Variants in SNTG2 observed in about 807,000 individuals in gnomAD.
SNTG2 encodes gamma-2-syntrophin.
In SNTG2, 74 loss-of-function variants were observed where a neutral mutation model predicts 70.9. The observed-to-expected ratio is 1.04, with a 90% CI of 0.86 to 1.27. The LOEUF is 1.27. Ranked by LOEUF, SNTG2 falls within the 50% of genes most tolerant of loss-of-function variation. The pLI, the probability that SNTG2 is intolerant of heterozygous loss-of-function variation, is 0.00. For synonymous variants in SNTG2, 278 were observed against 273.8 expected (o/e 1.02, Z -0.15); for missense variants, 717 against 690.7 (o/e 1.04, Z -0.43).
At chr2:1,316,156 T>G in intron 15 of SNTG2, 109 bp from the exon 16 acceptor site, 1 of 593,538 alleles carries the variant, frequency 1.7e-6, no homozygotes. Flanking sequence ...GATTTAAACA[T>G]TAAGTGAATG....
intron 15 of SNTG2, among the ~76,000 whole-genome samples, chr2:1,315,985 G>A (rs533181963): frequency 3.7e-4 from 56 of 152,266 alleles, no homozygotes; most frequent in African/African-American, 1.3e-3. Context: ...AGGTGACGTG[G>A]GACTGAGGAC....
chr2:1,334,925 A>C (rs1659724322), intron 16 of SNTG2, among the ~76,000 whole-genome samples: 1 of 152,244 alleles, frequency 6.6e-6, no homozygotes, highest in Admixed American at 6.5e-5. Context: ...CCCATTCCCC[A>C]AAAACTATTG....
intron 1 of SNTG2, among the ~76,000 whole-genome samples, chr2:1,070,906 G>T (rs1244611414): frequency 6.6e-6 from 1 of 152,354 alleles, no homozygotes; most frequent in South Asian, 2.1e-4. Context: ...TGATGAGGGT[G>T]TGCAGTGCCT....
At chr2:1,150,775 T>C (rs1669429160) in intron 6 of SNTG2, among the ~76,000 whole-genome samples, 1 of 152,208 alleles carries the variant, frequency 6.6e-6, no homozygotes. Flanking sequence ...CAGCCTTTTC[T>C]AGTTGTGGAA....
chr2:1,245,179 C>A (rs74169643), intron 11 of SNTG2, among the ~76,000 whole-genome samples: 41,015 of 146,564 alleles, frequency 0.28, 6,639 homozygotes, highest in African/African-American at 0.43. Context: ...CTAGATGACA[C>A]GTTAGTGGGT....
chr2:1,305,298 CCT>C (rs1680626491), intron 14 of SNTG2, among the ~76,000 whole-genome samples: 1 of 152,148 alleles, frequency 6.6e-6, no homozygotes, highest in African/African-American at 2.4e-5. Context: ...ACATTCTCTC[CCT>C]GAGTTACAGG....
At chr2:1,121,154 A>G (rs999806930) in intron 4 of SNTG2, among the ~76,000 whole-genome samples, 100 of 152,046 alleles carry the variant, frequency 6.6e-4, no homozygotes, top group African/African-American at 2.3e-3. Context: ...TGAACAATCA[A>G]TGGGTCACAG....
intron 16 of SNTG2, among the ~76,000 whole-genome samples, chr2:1,362,852 A>G (rs1382765988): frequency 8.4e-5 from 12 of 142,472 alleles, no homozygotes; most frequent in Non-Finnish European, 6.1e-5. Context: ...GGAAGTTACC[A>G]ATGCTGAGCA....
intron 8 of SNTG2, among the ~76,000 whole-genome samples, chr2:1,178,406 T>A (rs948652990): frequency 6.6e-6 from 1 of 152,152 alleles, no homozygotes; most frequent in Non-Finnish European, 1.5e-5. Flanking sequence ...TGCTTCCAGT[T>A]TTTGCCCATT....
chr2:1,329,566 A>G (rs1659404093), intron 16 of SNTG2, among the ~76,000 whole-genome samples: 1 of 152,212 alleles, frequency 6.6e-6, no homozygotes, highest in African/African-American at 2.4e-5. Flanking sequence ...GTCTACGCAC[A>G]ATGGCCAGGT....
intron 1 of SNTG2, among the ~76,000 whole-genome samples, chr2:952,480 A>G (rs970003416): frequency 6.6e-6 from 1 of 152,230 alleles, no homozygotes; most frequent in Non-Finnish European, 1.5e-5. Context: ...AAATAAAGCA[A>G]CTGCGCGTAT....
At chr2:1,272,961 A>G (rs1679113453) in intron 14 of SNTG2, among the ~76,000 whole-genome samples, 1 of 152,166 alleles carries the variant, frequency 6.6e-6, no homozygotes, top group African/African-American at 2.4e-5. Context: ...GTTTCACGAG[A>G]TCACGTTTAT....
chr2:1,348,666 G>A lies in SNTG2; in HGVS notation c.1489-18677G>A, dbSNP rs192437323. Among the ~76,000 whole-genome samples, 412 of 152,280 alleles carry A rather than the reference G, an allele frequency of 2.7e-3. 9 individuals carry two copies. Among genetic ancestry groups the A allele is most frequent in the Non-Finnish European group, 1.5e-3 (102 of 68,024 alleles). On this transcript the variant is annotated intron_variant, in intron 16 of 16. Coordinates refer to ENST00000308624, the MANE Select transcript of SNTG2 (RefSeq NM_018968.4). Reference sequence around the variant, plus strand: ...TTGAAGTCTGCTGTCTTCCTAAAGTGTATAAAATCAAGCTGTGCCCTAACC... The same window carrying A: ...TTGAAGTCTGCTGTCTTCCTAAAGTATATAAAATCAAGCTGTGCCCTAACC...
intron 13 of SNTG2, among the ~76,000 whole-genome samples, chr2:1,260,979 T>G (rs1245175131): frequency 6.6e-6 from 1 of 152,132 alleles, no homozygotes; most frequent in Non-Finnish European, 1.5e-5. Context: ...AGCCATCTCA[T>G]TTTCCCAGGA....
At chr2:1,198,722 A>G (rs1042458579) in intron 8 of SNTG2, among the ~76,000 whole-genome samples, 1 of 152,164 alleles carries the variant, frequency 6.6e-6, no homozygotes, top group Non-Finnish European at 1.5e-5. Context: ...GAAATTCCAA[A>G]GATATACAAA....
chr2:1,355,109 T>C (rs1166971663), intron 16 of SNTG2, among the ~76,000 whole-genome samples: 2 of 152,250 alleles, frequency 1.3e-5, no homozygotes, highest in Admixed American at 6.5e-5. Context: ...GTGGTTCTTA[T>C]TCATCTCTCA....
chr2:1,312,295 G>T (rs12475936), intron 15 of SNTG2, among the ~76,000 whole-genome samples: 15,836 of 152,154 alleles, frequency 0.1, 949 homozygotes, highest in South Asian at 0.19. Flanking sequence ...CCACGCAGGC[G>T]GGTCTCCTGC....
intron 7 of SNTG2, among the ~76,000 whole-genome samples, chr2:1,171,915 T>C (rs763976378): frequency 6.6e-6 from 1 of 152,196 alleles, no homozygotes; most frequent in Non-Finnish European, 1.5e-5. Flanking sequence ...ATCGCATTCC[T>C]GTCTGCACCA....
At chr2:1,170,972 T>A (rs1206722949) in intron 7 of SNTG2, among the ~76,000 whole-genome samples, 1 of 152,170 alleles carries the variant, frequency 6.6e-6, no homozygotes, top group African/African-American at 2.4e-5. Flanking sequence ...CAACCAGCAT[T>A]GCCTGAGGGT....
Sources: gnomAD v4.1 joint callset for allele counts (sites outside exome capture counted in the v4.1 genomes callset) on GRCh38, gnomAD v4.1.1 for gene constraint, MANE v1.5 for transcripts, NCBI Gene and HGNC (gene_info 2026-07-23, HGNC 2026-07-21) for gene names.